The following MOSMO variants were observed in gnomAD, a reference collection of about 807,000 sequenced individuals.
The protein encoded by MOSMO is modulator of smoothened protein.
MOSMO carries 5 observed loss-of-function variants against 18.4 expected under a neutral mutation model. The ratio of observed to expected loss-of-function variants is 0.27; its 90% CI spans 0.14 to 0.57. MOSMO has a LOEUF of 0.57. Ranked by LOEUF, MOSMO falls within the 20% of genes least tolerant of loss-of-function variation. The pLI, the probability that MOSMO is intolerant of heterozygous loss-of-function variation, is 0.92. For synonymous variants in MOSMO, 82 were observed against 82.3 expected (o/e 1.00, Z 0.02); for missense variants, 138 against 211.8 (o/e 0.65, Z 2.16).
chr16:22,030,366 GTA>G (rs1899968955), intron 1 of MOSMO, among the ~76,000 whole-genome samples: 1 of 152,190 alleles, frequency 6.6e-6, no homozygotes, highest in African/African-American at 2.4e-5. Context: ...AGTTAAAAGT[GTA>G]TGTCTGCACA....
At chr16:22,009,137 G>A (rs934528117) in intron 1 of MOSMO, among the ~76,000 whole-genome samples, 9 of 152,212 alleles carry the variant, frequency 5.9e-5, no homozygotes, top group African/African-American at 1.7e-4. Flanking sequence ...TTTTCCCTTT[G>A]AAGTGTGTAT....
intron 1 of MOSMO, among the ~76,000 whole-genome samples, chr16:22,063,762 CTATA>C (rs1237279042): frequency 6.6e-6 from 1 of 152,162 alleles, no homozygotes; most frequent in Non-Finnish European, 1.5e-5. Context: ...ACATCTCCCT[CTATA>C]TATATGTTTT....
chr16:22,031,288 G>T (rs1219921274), intron 1 of MOSMO, among the ~76,000 whole-genome samples: 1 of 152,200 alleles, frequency 6.6e-6, no homozygotes, highest in Non-Finnish European at 1.5e-5. Context: ...GGCATCAGAT[G>T]ACTCTGGATG....
chr16:22,008,434 C>T, intron 1 of MOSMO, 27 bp downstream of exon 1: 1 of 1,488,886 alleles, frequency 6.7e-7, no homozygotes, highest in East Asian at 2.5e-5. Context: ...CCGGGCCGGG[C>T]GGGGGATTGG....
intron 1 of MOSMO, among the ~76,000 whole-genome samples, chr16:22,064,707 T>C (rs1474381891): frequency 6.6e-6 from 1 of 152,194 alleles, no homozygotes; most frequent in Non-Finnish European, 1.5e-5. Flanking sequence ...GTATAAACAT[T>C]TTAGAATTTT....
chr16:22,017,315 T>G lies in MOSMO; in HGVS notation c.106+8908T>G, dbSNP rs145784487. On this transcript the variant is annotated intron_variant, in intron 1 of 2. Transcript: ENST00000542527. Reference sequence around the variant, plus strand: ...TCTCTAAGAGACCCAGGAAATTAGGTTGTACGGTGACAGCAGTGACAAGTA... The same window carrying G: ...TCTCTAAGAGACCCAGGAAATTAGGGTGTACGGTGACAGCAGTGACAAGTA... 1.6e-3 allele frequency among the ~76,000 whole-genome samples: 239 copies of G among 152,292 alleles called. 2 individuals carry two copies. The highest frequency in any genetic ancestry group is 5.6e-3 in the African/African-American group (231 of 41,550).
intron 1 of MOSMO, among the ~76,000 whole-genome samples, chr16:22,026,126 T>C (rs549264885): frequency 6.6e-6 from 1 of 152,194 alleles, no homozygotes; most frequent in Admixed American, 6.5e-5. Context: ...AATAACTAGT[T>C]CCTGGAATAT....
At chr16:22,077,037 G>A (rs559268865) in intron 2 of MOSMO, among the ~76,000 whole-genome samples, 2 of 152,268 alleles carry the variant, frequency 1.3e-5, no homozygotes, top group Middle Eastern at 3.4e-3. Flanking sequence ...TAAAGTTAAG[G>A]ATATTGATGA....
intron 1 of MOSMO, among the ~76,000 whole-genome samples, chr16:22,035,811 G>C (rs1360569826): frequency 6.6e-6 from 1 of 152,140 alleles, no homozygotes; most frequent in Admixed American, 6.5e-5. Context: ...GAAGTTACCT[G>C]CTTAGTTAAA....
intron 1 of MOSMO, among the ~76,000 whole-genome samples, chr16:22,025,032 A>C (rs1899848143): frequency 6.6e-6 from 1 of 151,770 alleles, no homozygotes; most frequent in Admixed American, 6.6e-5. Context: ...GTGTGCCTGT[A>C]GTCCTAGCTA....
chr16:22,022,709 C>T (rs913741615), intron 1 of MOSMO, among the ~76,000 whole-genome samples: 3 of 151,974 alleles, frequency 2.0e-5, no homozygotes, highest in South Asian at 2.1e-4. Context: ...TCCTGACCCC[C>T]GATATGGTAG....
intron 1 of MOSMO, among the ~76,000 whole-genome samples, chr16:22,037,803 C>T (rs887877162): frequency 1.3e-5 from 2 of 152,260 alleles, no homozygotes; most frequent in Admixed American, 6.5e-5. Flanking sequence ...GGGAAGCTTC[C>T]GTGCCCTCTC....
Position 22,084,477 on chromosome 16 carries a change from G to T in MOSMO, c.*3597G>T, listed in dbSNP as rs949865632. 3.3e-5 allele frequency: 5 copies of T among 152,076 alleles called. No homozygotes were observed. The highest frequency in any genetic ancestry group is 1.2e-4 in the African/African-American group (5 of 41,424). 9.4% of individuals were successfully genotyped at this position (152,076 alleles called of 1,614,324 possible). On this transcript the variant is annotated 3_prime_UTR_variant, in exon 3 of 3. Coordinates refer to ENST00000542527, the MANE Select transcript of MOSMO (RefSeq NM_001164579.2). ...ATTTTGAAGTTTGTGATCAAGGTCTGTATATTATCCCAAACTTTATTAAGA... is the reference window on the plus strand; with the variant it reads ...ATTTTGAAGTTTGTGATCAAGGTCTTTATATTATCCCAAACTTTATTAAGA...
At chr16:22,042,370 C>T (rs1958458697) in intron 1 of MOSMO, among the ~76,000 whole-genome samples, 1 of 152,152 alleles carries the variant, frequency 6.6e-6, no homozygotes, top group Admixed American at 6.5e-5. Flanking sequence ...AATAATTCAT[C>T]CTGGCTCCAT....
chr16:22,028,502 C>A (rs188178216), intron 1 of MOSMO, among the ~76,000 whole-genome samples: 5 of 151,988 alleles, frequency 3.3e-5, no homozygotes, highest in Admixed American at 1.3e-4. Context: ...CTGTAAAGCT[C>A]TTTTCATCTT....
chr16:22,024,149 ATCT>A (rs1899827151), intron 1 of MOSMO, among the ~76,000 whole-genome samples: 1 of 151,886 alleles, frequency 6.6e-6, no homozygotes, highest in Non-Finnish European at 1.5e-5. Context: ...CTGGATCTAG[ATCT>A]TCTAGACAGT....
intron 1 of MOSMO, among the ~76,000 whole-genome samples, chr16:22,012,968 G>T (rs1266919524): frequency 1.3e-5 from 2 of 152,008 alleles, no homozygotes; most frequent in Non-Finnish European, 2.9e-5. Flanking sequence ...GAAACATATT[G>T]TATGTATGGG....
intron 1 of MOSMO, among the ~76,000 whole-genome samples, chr16:22,067,732 AGC>A (rs2141769181): frequency 6.6e-6 from 1 of 152,238 alleles, no homozygotes; most frequent in African/African-American, 2.4e-5. Context: ...CAAAAAAATT[AGC>A]TGGACGTGGT....
At position 22,010,998 on chromosome 16, in the gene MOSMO, ACT is replaced by A. The variant is rs1899515835; in HGVS notation, c.106+2594_106+2595del. On this transcript the variant is annotated intron_variant, in intron 1 of 2. Transcript: ENST00000542527. ...AGAAAGCAAGGATAGAATGAGTATA[ACT>A]CTTTAAAATTTGGAGGCAAAATTGG... Among the ~76,000 whole-genome samples the A allele has an allele frequency of 2.6e-5, 4 of 152,160 alleles. No individual in the cohort carries two copies. In the Middle Eastern group the frequency reaches 0.014, roughly 518 times the overall value.
Sources: gnomAD v4.1 joint callset for allele counts (sites outside exome capture counted in the v4.1 genomes callset) on GRCh38, gnomAD v4.1.1 for gene constraint, MANE v1.5 for transcripts, NCBI Gene and HGNC (gene_info 2026-07-23, HGNC 2026-07-21) for gene names.